Variants in SOX1 observed in about 807,000 individuals in gnomAD.
SOX1 encodes the protein SRY-box transcription factor 1.
Under a neutral mutation model 0.9 loss-of-function variants are expected in SOX1, and 1 was observed. The ratio of observed to expected loss-of-function variants is 1.07; its 90% CI spans 0.38 to 5.06. The LOEUF (loss-of-function observed/expected upper bound fraction) is 5.06, where lower values mean the gene tolerates loss of function less well. Ranked by LOEUF, SOX1 falls within the 30% of genes most tolerant of loss-of-function variation. The pLI is 0.16. For missense variants in SOX1, 564 were observed against 534.4 expected, an observed-to-expected ratio of 1.06 and a Z score of -0.55; for synonymous variants, 397 against 265.5, an observed-to-expected ratio of 1.50 and a Z score of -4.81.
At position 112,069,216 on chromosome 13, in the gene SOX1, G is replaced by T. The variant is rs1880819794; in HGVS notation, c.*382G>T. 1.2e-5 allele frequency: 2 copies of T among 168,432 alleles called. No homozygotes were observed. Among genetic ancestry groups the T allele is most frequent in the South Asian group, 4.1e-4 (2 of 4,836 alleles). The allele number at this position is 168,432 out of a possible 1,614,324, so 10.4% of individuals were successfully genotyped here. On this transcript the variant is annotated 3_prime_UTR_variant, in exon 1 of 1. Transcript: ENST00000330949. ...GGCCGGCGCGCTCACTTTCCTCCGC[G>T]TTGCTTCCGGACGGCGCCGACCGCC...
In SOX1 at chr13:112,068,896, TCCCGC is replaced by T. The variant is rs1266930508; in HGVS notation, c.*72_*76del. ...CACGAGCTCGCGGCCCGCGCCCGGC[TCCCGC>T]CCCGCCCCGGCGCGGCGTGGCTTTT... On this transcript the variant is annotated 3_prime_UTR_variant, in exon 1 of 1. Coordinates refer to ENST00000330949, the MANE Select transcript of SOX1 (RefSeq NM_005986.3). The surrounding 1 kb of genome is among the most constrained non-coding windows in gnomAD (Gnocchi z 6.9). The T allele has an allele frequency of 9.5e-6, 11 of 1,162,616 alleles. No homozygotes were observed. Among genetic ancestry groups the T allele is most frequent in the African/African-American group, 3.2e-5 (2 of 61,660 alleles). 72.0% of individuals were successfully genotyped at this position (1,162,616 alleles called of 1,614,324 possible).
rs1343338254 is a variant in SOX1, at chr13:112,071,305, C to T, written c.*2471C>T. ...TGCGCCCGGGACGCCAGGCAAGCAGCTTTTACAGTTTGGCATCTTATTGCA... is the reference window on the plus strand; with the variant it reads ...TGCGCCCGGGACGCCAGGCAAGCAGTTTTTACAGTTTGGCATCTTATTGCA... On this transcript the variant is annotated 3_prime_UTR_variant, in exon 1 of 1. Transcript: ENST00000330949. 2.0e-5 allele frequency among the ~76,000 whole-genome samples: 3 copies of T among 152,238 alleles called. No homozygotes were observed. Among genetic ancestry groups the T allele is most frequent in the Non-Finnish European group, 1.5e-5 (1 of 68,052 alleles).
chr13:112,068,330 G>A lies in SOX1; in HGVS notation c.672G>A (p.Pro224=), dbSNP rs1169397029. The change falls in exon 1 of 1, where the codon CCG becomes CCA. Residue 224 remains proline, a synonymous_variant. Coordinates refer to ENST00000330949, the MANE Select transcript of SOX1 (RefSeq NM_005986.3). This position sits in a 1 kb window ranked among gnomAD's most constrained non-coding sequence, Gnocchi z 6.9. ...GQHPGAGGAH[P]HAHPAHPHPH... ...ACCCGGGCGCGGGCGGCGCGCACCC[G>A]CACGCGCACCCCGCGCACCCGCACC... 6.1e-6 allele frequency: 7 copies of A among 1,151,132 alleles called. No individual in the cohort carries two copies. The highest frequency in any genetic ancestry group is 2.2e-5 in the South Asian group (1 of 45,618). The allele number at this position is 1,151,132 out of a possible 1,614,324, so 71.3% of individuals were successfully genotyped here.
Position 112,067,557 on chromosome 13 carries a change from C to CCCG in SOX1, c.-101_-100insCGC. On this transcript the variant is annotated 5_prime_UTR_variant, in exon 1 of 1. Transcript: ENST00000330949. The surrounding 1 kb of genome is among the most constrained non-coding windows in gnomAD (Gnocchi z 5.1). ...TCTCTCCGCTAGGACCCCCCCGCCC[C>CCCG]CGTCTCACTCCGTCTGAATTCCTCT... 2 of 542,474 alleles carry CCCG rather than the reference C, an allele frequency of 3.7e-6. No individual in the cohort carries two copies. The highest frequency in any genetic ancestry group is 5.0e-6 in the Non-Finnish European group (2 of 403,520). The allele number at this position is 542,474 out of a possible 1,614,324, so 33.6% of individuals were successfully genotyped here. A position where few individuals can be genotyped will look rare whatever the true frequency, so the allele number is the denominator to read the frequency against.
Position 112,068,521 on chromosome 13 carries a change from C to T in SOX1, c.863C>T (p.Ala288Val). Reference protein sequence around the residue: ...YGAAAAAAAAAGGAHQNSAVA... With the variant: ...YGAAAAAAAAVGGAHQNSAVA... Reference sequence around the variant, plus strand: ...GCCGCGGCCGCCGCCGCCGCCGCTGCGGGCGGCGCGCACCAGAACTCGGCC... The same window carrying T: ...GCCGCGGCCGCCGCCGCCGCCGCTGTGGGCGGCGCGCACCAGAACTCGGCC... The change falls in exon 1 of 1, where the codon GCG becomes GTG. Residue 288 changes from alanine (A) to valine (V), a missense_variant. Coordinates refer to ENST00000330949, the MANE Select transcript of SOX1 (RefSeq NM_005986.3). The surrounding 1 kb of genome is among the most constrained non-coding windows in gnomAD (Gnocchi z 6.9). The T allele has an allele frequency of 3.1e-6, 3 of 952,744 alleles. No homozygotes were observed. Among genetic ancestry groups the T allele is most frequent in the Non-Finnish European group, 3.7e-6 (3 of 800,390 alleles). The allele number at this position is 952,744 out of a possible 1,614,324, so 59.0% of individuals were successfully genotyped here.
Position 112,068,078 on chromosome 13 carries a change from G to C in SOX1, c.420G>C (p.Gly140=). Residue 140 remains glycine (G), a synonymous_variant, in exon 1 of 1, where the codon GGG becomes GGC. Coordinates refer to ENST00000330949, the MANE Select transcript of SOX1 (RefSeq NM_005986.3). The surrounding 1 kb of genome is among the most constrained non-coding windows in gnomAD (Gnocchi z 6.9). ...AGGACAAGTACTCGCTGGCCGGCGG[G>C]CTCCTGGCGGCCGGCGCGGGTGGCG... ...LKKDKYSLAG[G]LLAAGAGGGG... is the part of the protein sequence containing the mutation. 1.3e-6 allele frequency: 2 copies of C among 1,560,666 alleles called. No homozygotes were observed. Among genetic ancestry groups the C allele is most frequent in the Non-Finnish European group, 1.7e-6 (2 of 1,153,218 alleles).
chr13:112,069,732 A>T lies in SOX1; in HGVS notation c.*898A>T, dbSNP rs1225729037. On this transcript the variant is annotated 3_prime_UTR_variant, in exon 1 of 1. Coordinates refer to ENST00000330949, the MANE Select transcript of SOX1 (RefSeq NM_005986.3). Reference sequence around the variant, plus strand: ...ACAGGGAAATTATCTGTATGAACTAAAAGTAAGGGAACCCCGGGGAATGGG... The same window carrying T: ...ACAGGGAAATTATCTGTATGAACTATAAGTAAGGGAACCCCGGGGAATGGG... 1.2e-5 allele frequency: 2 copies of T among 166,992 alleles called. No homozygotes were observed. Among genetic ancestry groups the T allele is most frequent in the Non-Finnish European group, 2.9e-5 (2 of 68,118 alleles). The allele number at this position is 166,992 out of a possible 1,614,324, so 10.3% of individuals were successfully genotyped here.
In SOX1 at chr13:112,070,879, C is replaced by A. The variant is rs879039603; in HGVS notation, c.*2045C>A. Among the ~76,000 whole-genome samples, 3 of 137,932 alleles carry A rather than the reference C, an allele frequency of 2.2e-5. 1 individual carries two copies. The highest frequency in any genetic ancestry group is 5.1e-4 in the South Asian group (2 of 3,890). The allele number at this position is 137,932 out of a possible 152,430, so 90.5% of individuals were successfully genotyped here. On this transcript the variant is annotated 3_prime_UTR_variant, in exon 1 of 1. Transcript: ENST00000330949. ...TAAACCCCCCCCCTCTTTTCTTTTT[C>A]TTTATTTTTATTTCTTTTAGCTATT... is the stretch of plus-strand genomic sequence containing the variant.
rs1004349200 is a variant in SOX1 at position 112,067,552 on chromosome 13, C to A, written c.-107C>A. On this transcript the variant is annotated 5_prime_UTR_variant, in exon 1 of 1. Transcript: ENST00000330949. This position sits in a 1 kb window ranked among gnomAD's most constrained non-coding sequence, Gnocchi z 5.1. ...ATTCTTCTCTCCGCTAGGACCCCCC[C>A]GCCCCCGTCTCACTCCGTCTGAATT... is the stretch of plus-strand genomic sequence containing the variant. The A allele has an allele frequency of 9.9e-6, 5 of 507,492 alleles. No homozygotes were observed. Among genetic ancestry groups the A allele is most frequent in the African/African-American group, 2.1e-5 (1 of 48,130 alleles). The allele number at this position is 507,492 out of a possible 1,614,324, so 31.4% of individuals were successfully genotyped here.
rs980647431 is a variant in SOX1 at position 112,067,185 on chromosome 13, A to G, written c.-474A>G. 4.8e-5 allele frequency among the ~76,000 whole-genome samples: 7 copies of G among 147,200 alleles called. No individual in the cohort carries two copies. The highest frequency in any genetic ancestry group is 3.4e-4 in the Admixed American group (5 of 14,864). The stretch of plus-strand genomic sequence containing the variant: ...AGCGCACGCGGCGCGCCGCCCTGCT[A>G]GAAGTTGCAGCCTCCGAGTTGGAGG... On this transcript the variant is annotated 5_prime_UTR_variant, in exon 1 of 1. It removes the in-frame stop codon of an upstream open reading frame in the 5' UTR. Transcript: ENST00000330949. The surrounding 1 kb of genome is among the most constrained non-coding windows in gnomAD (Gnocchi z 5.1).
rs1025616116 is a variant in SOX1, at chr13:112,068,669, C to T, written c.1011C>T (p.Pro337=). 104 of 1,170,286 alleles carry T rather than the reference C, an allele frequency of 8.9e-5. No individual in the cohort carries two copies. The African/African-American group carries it at 1.6e-3, about 17-fold the overall frequency. The allele number at this position is 1,170,286 out of a possible 1,614,324, so 72.5% of individuals were successfully genotyped here. Reference sequence around the variant, plus strand: ...CAGCGCACTCGCGGGCGCCGTGCCCCGGGGACCTGCGCGAGATGATCAGCA... The same window carrying T: ...CAGCGCACTCGCGGGCGCCGTGCCCTGGGGACCTGCGCGAGATGATCAGCA... The part of the protein sequence containing the change: ...PAPAHSRAPC[P]GDLREMISMY... Residue 337 remains proline (P), a synonymous_variant, in exon 1 of 1, where the codon CCC becomes CCT. Coordinates refer to ENST00000330949, the MANE Select transcript of SOX1 (RefSeq NM_005986.3). The surrounding 1 kb of genome is among the most constrained non-coding windows in gnomAD (Gnocchi z 6.9).
In SOX1 at chr13:112,068,414, C is replaced by T; in HGVS notation, c.756C>T (p.Gly252=). Residue 252 remains glycine (G), a synonymous_variant, in exon 1 of 1, where the codon GGC becomes GGT. Coordinates refer to ENST00000330949, the MANE Select transcript of SOX1 (RefSeq NM_005986.3). This position sits in a 1 kb window ranked among gnomAD's most constrained non-coding sequence, Gnocchi z 6.9. ...AGCCCATGCACCGCTACGACATGGG[C>T]GCGCTGCAGTACAGCCCCATCTCCA... The part of the protein sequence containing the change: ...NPQPMHRYDM[G]ALQYSPISNS... 2 of 1,298,968 alleles carry T rather than the reference C, an allele frequency of 1.5e-6. No homozygotes were observed. Among genetic ancestry groups the T allele is most frequent in the Non-Finnish European group, 1.0e-6 (1 of 1,004,158 alleles). 80.5% of individuals were successfully genotyped at this position (1,298,968 alleles called of 1,614,324 possible).
rs887450563 is a variant in SOX1, at chr13:112,069,817, G to A, written c.*983G>A. 6.0e-6 allele frequency: 1 copy of A among 167,094 alleles called. No individual in the cohort carries two copies. The highest frequency in any genetic ancestry group is 2.4e-5 in the African/African-American group (1 of 41,450). 10.4% of individuals were successfully genotyped at this position (167,094 alleles called of 1,614,324 possible). ...AAGAGAAGGAAGTTAAAACCTATAG[G>A]TTATTTTGTAGAGCTGAGTGTTAAT... On this transcript the variant is annotated 3_prime_UTR_variant, in exon 1 of 1. Coordinates refer to ENST00000330949, the MANE Select transcript of SOX1 (RefSeq NM_005986.3).
Position 112,068,548 on chromosome 13 carries a change from TGGCGGCGGCGGCGGC to T in SOX1, c.900_914del (p.Ala302_Ala306del). On this transcript the variant is annotated inframe_deletion, in exon 1 of 1. Coordinates refer to ENST00000330949, the MANE Select transcript of SOX1 (RefSeq NM_005986.3). The surrounding 1 kb of genome is among the most constrained non-coding windows in gnomAD (Gnocchi z 6.9). ...GGCGGCGCGCACCAGAACTCGGCCG[TGGCGGCGGCGGCGGC>T]GGCGGCGGCCGCGTCGTCGGGCGCC... 7 of 919,734 alleles carry T rather than the reference TGGCGGCGGCGGCGGC, an allele frequency of 7.6e-6. No homozygotes were observed. Among genetic ancestry groups the T allele is most frequent in the Admixed American group, 6.6e-5 (1 of 15,142 alleles). 57.0% of individuals were successfully genotyped at this position (919,734 alleles called of 1,614,324 possible).
rs1009030430 is a variant in SOX1 at position 112,069,485 on chromosome 13, T to C, written c.*651T>C. On this transcript the variant is annotated 3_prime_UTR_variant, in exon 1 of 1. Transcript: ENST00000330949. Reference sequence around the variant, plus strand: ...TTTTGTATTATTTCTTGTAAATGCATTGTGAAAAATTTTATTTTCGGCGTT... The same window carrying C: ...TTTTGTATTATTTCTTGTAAATGCACTGTGAAAAATTTTATTTTCGGCGTT... 3 of 167,018 alleles carry C rather than the reference T, an allele frequency of 1.8e-5. No individual in the cohort carries two copies. The highest frequency in any genetic ancestry group is 1.9e-4 in the East Asian group (1 of 5,192). 10.3% of individuals were successfully genotyped at this position (167,018 alleles called of 1,614,324 possible). A position where few individuals can be genotyped will look rare whatever the true frequency, so the allele number is the denominator to read the frequency against.
In SOX1 at chr13:112,068,851, G is replaced by A. The variant is rs760795829; in HGVS notation, c.*17G>A. On this transcript the variant is annotated 3_prime_UTR_variant, in exon 1 of 1. Coordinates refer to ENST00000330949, the MANE Select transcript of SOX1 (RefSeq NM_005986.3). The surrounding 1 kb of genome is among the most constrained non-coding windows in gnomAD (Gnocchi z 6.9). Reference sequence around the variant, plus strand: ...CACATCTAGCGCCTTCGGGACGCCGGGGACTCTGCGGCGGCGACCCACGAG... The same window carrying A: ...CACATCTAGCGCCTTCGGGACGCCGAGGACTCTGCGGCGGCGACCCACGAG... 3.1e-4 allele frequency: 372 copies of A among 1,208,494 alleles called. 4 individuals are homozygous for A. The highest frequency in any genetic ancestry group is 3.9e-4 in the East Asian group (11 of 27,934). The allele number at this position is 1,208,494 out of a possible 1,614,324, so 74.9% of individuals were successfully genotyped here.
rs776117694 is a variant in SOX1, at chr13:112,068,329, C to G, written c.671C>G (p.Pro224Arg). Residue 224 changes from proline to arginine, a missense_variant, in exon 1 of 1, where the codon CCG (proline) becomes CGG (arginine). Transcript: ENST00000330949. This position sits in a 1 kb window ranked among gnomAD's most constrained non-coding sequence, Gnocchi z 6.9. Reference protein sequence around the residue: ...GQHPGAGGAHPHAHPAHPHPH... With the variant: ...GQHPGAGGAHRHAHPAHPHPH... Reference sequence around the variant, plus strand: ...CACCCGGGCGCGGGCGGCGCGCACCCGCACGCGCACCCCGCGCACCCGCAC... The same window carrying G: ...CACCCGGGCGCGGGCGGCGCGCACCGGCACGCGCACCCCGCGCACCCGCAC... 2 of 1,144,200 alleles carry G rather than the reference C, an allele frequency of 1.7e-6. No homozygotes were observed. The highest frequency in any genetic ancestry group is 2.2e-6 in the Non-Finnish European group (2 of 922,782). 70.9% of individuals were successfully genotyped at this position (1,144,200 alleles called of 1,614,324 possible). A position where few individuals can be genotyped will look rare whatever the true frequency, so the allele number is the denominator to read the frequency against.
chr13:112,067,982 C>A lies in SOX1; in HGVS notation c.324C>A (p.Arg108=). 1 of 1,607,580 alleles carries A rather than the reference C, an allele frequency of 6.2e-7. No individual in the cohort carries two copies. Among genetic ancestry groups the A allele is most frequent in the Non-Finnish European group, 8.5e-7 (1 of 1,176,926 alleles). Residue 108 remains arginine, a synonymous_variant, in exon 1 of 1, where the codon CGC becomes CGA. Transcript: ENST00000330949. This position sits in a 1 kb window ranked among gnomAD's most constrained non-coding sequence, Gnocchi z 5.1. ...RPFIDEAKRL[R]ALHMKEHPDY... ...TCATCGACGAGGCCAAGCGGCTGCG[C>A]GCGCTGCACATGAAGGAGCACCCGG...
In SOX1 at chr13:112,068,759, G is replaced by A. The variant is rs541156238; in HGVS notation, c.1101G>A (p.Arg367=). 844 of 1,208,632 alleles carry A rather than the reference G, an allele frequency of 7.0e-4. 3 individuals carry two copies. In the African/African-American group the frequency reaches 0.012, roughly 17 times the overall value. The allele number at this position is 1,208,632 out of a possible 1,614,324, so 74.9% of individuals were successfully genotyped here. A position where few individuals can be genotyped will look rare whatever the true frequency, so the allele number is the denominator to read the frequency against. Residue 367 remains arginine, a synonymous_variant, in exon 1 of 1, where the codon CGG becomes CGA. Coordinates refer to ENST00000330949, the MANE Select transcript of SOX1 (RefSeq NM_005986.3). This position sits in a 1 kb window ranked among gnomAD's most constrained non-coding sequence, Gnocchi z 6.9. The stretch of plus-strand genomic sequence containing the variant: ...CAGCAGCGGCCGCGGCGCAGAGCCG[G>A]CTGCACTCGCTGCCGCAGCACTACC... ...AAAAAAAAQS[R]LHSLPQHYQG... is the part of the protein sequence containing the mutation.
Sources: allele counts gnomAD v4.1 joint callset (sites outside exome capture counted in the v4.1 genomes callset), GRCh38; gene constraint gnomAD v4.1.1; non-coding constraint Gnocchi (gnomAD v3.1); transcripts MANE v1.5; gene names NCBI Gene and HGNC (gene_info 2026-07-23, HGNC 2026-07-21).